PLAGL2: variants seen among roughly 807,000 people sequenced by gnomAD.
PLAGL2 encodes PLAG1 like zinc finger 2, also known as zinc finger protein PLAGL2.
A neutral mutation model predicts 29.0 loss-of-function variants in PLAGL2; 7 were observed. The ratio of observed to expected loss-of-function variants is 0.24; its 90% CI spans 0.14 to 0.45. The LOEUF (loss-of-function observed/expected upper bound fraction) is 0.45. PLAGL2 is among the 20% of genes least tolerant of loss of function. The pLI is 0.99. For missense variants in PLAGL2, 454 were observed against 648.2 expected, an observed-to-expected ratio of 0.70 and a Z score of 3.25; for synonymous variants, 234 against 266.0, an observed-to-expected ratio of 0.88 and a Z score of 1.17.
At chr20:32,199,595 G>A (rs138658649) in intron 2 of PLAGL2, among the ~76,000 whole-genome samples, 39 of 152,292 alleles carry the variant, frequency 2.6e-4, no homozygotes, top group African/African-American at 8.7e-4. Flanking sequence ...AATACTTTGG[G>A]AGGCTAAGGT....
Position 32,196,392 on chromosome 20 carries a change from G to T in PLAGL2, c.*60C>A. On this transcript the variant is annotated 3_prime_UTR_variant, in exon 3 of 3. Transcript: ENST00000246229. ...AGCTGCCTTCATGGGGGACACAGAC[G>T]GGGTGGGTACTAAGGCTCCATAACA... 8.1e-7 allele frequency: 1 copy of T among 1,237,956 alleles called. No individual in the cohort carries two copies. Among genetic ancestry groups the T allele is most frequent in the Non-Finnish European group, 1.1e-6 (1 of 940,362 alleles). The allele number at this position is 1,237,956 out of a possible 1,614,324, so 76.7% of individuals were successfully genotyped here.
chr20:32,199,848 G>GA (rs1270164315), intron 2 of PLAGL2, among the ~76,000 whole-genome samples: 7 of 151,140 alleles, frequency 4.6e-5, no homozygotes, highest in Non-Finnish European at 1.0e-4. Flanking sequence ...AAAAAAAAAA[G>GA]AAAAAAAAGA....
At chr20:32,203,522 T>C (rs979781114) in intron 1 of PLAGL2, among the ~76,000 whole-genome samples, 2 of 152,218 alleles carry the variant, frequency 1.3e-5, no homozygotes, top group African/African-American at 2.4e-5. Context: ...AACAGGGGGA[T>C]TCCCTTTGAA....
In PLAGL2 at chr20:32,196,632, C is replaced by G; in HGVS notation, c.1311G>C (p.Leu437=). 2.0e-6 allele frequency: 3 copies of G among 1,530,910 alleles called. No individual in the cohort carries two copies. In the South Asian group the frequency reaches 3.9e-5, roughly 20 times the overall value. 94.8% of individuals were successfully genotyped at this position (1,530,910 alleles called of 1,614,324 possible). The change falls in exon 3 of 3, where the codon CTG becomes CTC. Residue 437 remains leucine, a synonymous_variant. Transcript: ENST00000246229. ...PCNPPGATGG[L]VMGYSQAEAQ... is the part of the protein sequence containing the mutation. The stretch of plus-strand genomic sequence containing the variant: ...CCTCAGCCTGGGAGTAGCCCATGAC[C>G]AGGCCTCCTGTGGCCCCAGGTGGGT...
At chr20:32,199,556 C>T (rs975434329) in intron 2 of PLAGL2, among the ~76,000 whole-genome samples, 5 of 152,148 alleles carry the variant, frequency 3.3e-5, no homozygotes, top group African/African-American at 9.7e-5. Flanking sequence ...CTAAGAAGGC[C>T]GGGTGCAGTG....
Position 32,195,842 on chromosome 20 carries a change from G to A in PLAGL2, c.*610C>T, listed in dbSNP as rs2047224793. 1 of 152,736 alleles carries A rather than the reference G, an allele frequency of 6.5e-6. No individual in the cohort carries two copies. Among genetic ancestry groups the A allele is most frequent in the South Asian group, 2.1e-4 (1 of 4,834 alleles). The allele number at this position is 152,736 out of a possible 1,614,324, so 9.5% of individuals were successfully genotyped here. On this transcript the variant is annotated 3_prime_UTR_variant, in exon 3 of 3. Coordinates refer to ENST00000246229, the MANE Select transcript of PLAGL2 (RefSeq NM_002657.3). ...TAAGGCTAACAGCTTGGCAAGGGAG[G>A]TGAAATGGTGTGTCTGAGGTGACTG...
rs541477335 is a variant in PLAGL2 at position 32,195,443 on chromosome 20, G to C, written c.*1009C>G. On this transcript the variant is annotated 3_prime_UTR_variant, in exon 3 of 3. Transcript: ENST00000246229. Reference sequence around the variant, plus strand: ...ATGGGGAGGTGACGGACGTGGGCATGCCTTTCATTTCTTCCCCTCTCCAGT... The same window carrying C: ...ATGGGGAGGTGACGGACGTGGGCATCCCTTTCATTTCTTCCCCTCTCCAGT... The C allele has an allele frequency of 6.5e-6, 1 of 152,800 alleles. No homozygotes were observed. The highest frequency in any genetic ancestry group is 2.1e-4 in the South Asian group (1 of 4,826). 9.5% of individuals were successfully genotyped at this position (152,800 alleles called of 1,614,324 possible). A position where few individuals can be genotyped will look rare whatever the true frequency, so the allele number is the denominator to read the frequency against.
intron 2 of PLAGL2, among the ~76,000 whole-genome samples, chr20:32,200,384 C>T (rs1423054896): frequency 6.6e-6 from 1 of 151,930 alleles, no homozygotes; most frequent in Non-Finnish European, 1.5e-5. Flanking sequence ...CTACAGGCGC[C>T]TGCCACCGCG....
intron 2 of PLAGL2, among the ~76,000 whole-genome samples, chr20:32,198,663 T>C (rs2047242513): frequency 6.6e-6 from 1 of 152,172 alleles, no homozygotes; most frequent in South Asian, 2.1e-4. Context: ...CTTCCTTATC[T>C]AGAACAAATT....
In PLAGL2 at chr20:32,196,602, C is replaced by T; in HGVS notation, c.1341G>A (p.Gln447=). The stretch of plus-strand genomic sequence containing the variant: ...GAGCTTGCAAAGTGGTAAGCAGGGG[C>T]TGTGCCTCAGCCTGGGAGTAGCCCA... ...LVMGYSQAEA[Q]PLLTTLQAQP... Residue 447 remains glutamine, a synonymous_variant, in exon 3 of 3, where the codon CAG becomes CAA. Transcript: ENST00000246229. 3.3e-6 allele frequency: 5 copies of T among 1,535,588 alleles called. No individual in the cohort carries two copies. In the South Asian group the frequency reaches 6.5e-5, roughly 20 times the overall value.
rs1220151506 is a variant in PLAGL2, at chr20:32,197,073, A to G, written c.870T>C (p.Pro290=). The change falls in exon 3 of 3, where the codon CCT becomes CCC. Residue 290 remains proline, a synonymous_variant. Coordinates refer to ENST00000246229, the MANE Select transcript of PLAGL2 (RefSeq NM_002657.3). This position sits in a 1 kb window ranked among gnomAD's most constrained non-coding sequence, Gnocchi z 6.6. ...SRDVMGTKAF[P]GMLPMGMYGA... ...CATACATGCCCATGGGCAACATGCC[A>G]GGGAAGGCCTTGGTCCCCATTACGT... 6.2e-7 allele frequency: 1 copy of G among 1,614,056 alleles called. No homozygotes were observed. Among genetic ancestry groups the G allele is most frequent in the Admixed American group, 1.7e-5 (1 of 60,012 alleles).
chr20:32,206,021 A>G (rs1034511067), intron 1 of PLAGL2, among the ~76,000 whole-genome samples: 2 of 152,236 alleles, frequency 1.3e-5, no homozygotes, highest in African/African-American at 4.8e-5. Flanking sequence ...GAAGAACTCA[A>G]TTCAACACCT....
Position 32,197,522 on chromosome 20 carries a change from C to T in PLAGL2, c.421G>A (p.Gly141Ser). 1 of 1,614,148 alleles carries T rather than the reference C, an allele frequency of 6.2e-7. No homozygotes were observed. The highest frequency in any genetic ancestry group is 8.5e-7 in the Non-Finnish European group (1 of 1,180,038). ...ECGKNYNTKLGYRRHLAMHAA... is the reference protein window; with the variant it reads ...ECGKNYNTKLSYRRHLAMHAA... ...TGCATGGCCAGGTGGCGCCGGTAGC[C>T]CAGCTTCGTATTGTAATTCTTACCG... Residue 141 changes from glycine (G) to serine (S), a missense_variant, in exon 3 of 3, where the codon GGC becomes AGC. Around this residue, in one of 4 missense-constraint regions of PLAGL2, gnomAD observed 111 missense variants for 173.1 expected, o/e 0.64. Transcript: ENST00000246229. This position sits in a 1 kb window ranked among gnomAD's most constrained non-coding sequence, Gnocchi z 6.6.
At chr20:32,207,462 C>T (rs1231155223) in intron 1 of PLAGL2, among the ~76,000 whole-genome samples, 179 bp downstream of exon 1, 2 of 152,138 alleles carry the variant, frequency 1.3e-5, no homozygotes, top group African/African-American at 4.8e-5. Context: ...TTTCGTCACC[C>T]CAGGGCCTAT....
chr20:32,202,100 G>C lies in PLAGL2; in HGVS notation c.79C>G (p.Pro27Ala). The change falls in exon 2 of 3, where the codon CCC becomes GCC. Residue 27 changes from proline (P) to alanine (A), a missense_variant. Physicochemically the swap from Pro to Ala is conservative, Grantham distance 27. Coordinates refer to ENST00000246229, the MANE Select transcript of PLAGL2 (RefSeq NM_002657.3). ...QEEEVGWKLVPRPRGREAESQ... is the reference protein window; with the variant it reads ...QEEEVGWKLVARPRGREAESQ... The stretch of plus-strand genomic sequence containing the variant: ...TCCGCCTCCCGGCCCCGAGGCCTGG[G>C]AACTAGTTTCCAGCCCACTTCCTCC... 6.2e-7 allele frequency: 1 copy of C among 1,614,004 alleles called. No individual in the cohort carries two copies. Among genetic ancestry groups the C allele is most frequent in the East Asian group, 2.2e-5 (1 of 44,890 alleles).
In PLAGL2 at chr20:32,202,173, G is replaced by A. The variant is rs1227218386; in HGVS notation, c.6C>T (p.Thr2=). 1.2e-6 allele frequency: 2 copies of A among 1,614,066 alleles called. No homozygotes were observed. The highest frequency in any genetic ancestry group is 1.7e-5 in the Admixed American group (1 of 60,028). The part of the protein sequence containing the change: M[T]TFFTSVPPWI... ...AGGGGGGGACGCTGGTGAAAAATGTGGTCATGGCAAGGCTAATGGCAAAGG... is the reference window on the plus strand; with the variant it reads ...AGGGGGGGACGCTGGTGAAAAATGTAGTCATGGCAAGGCTAATGGCAAAGG... Residue 2 remains threonine (T), a synonymous_variant, in exon 2 of 3, where the codon ACC becomes ACT. Transcript: ENST00000246229.
chr20:32,201,643 C>T (rs2047260047), intron 2 of PLAGL2, among the ~76,000 whole-genome samples: 1 of 152,154 alleles, frequency 6.6e-6, no homozygotes, highest in African/African-American at 2.4e-5. Context: ...GCACCCAGAT[C>T]GTCACTAAGA....
chr20:32,194,018 C>T lies in PLAGL2; in HGVS notation c.*2434G>A, dbSNP rs1439992054. 2 of 152,854 alleles carry T rather than the reference C, an allele frequency of 1.3e-5. No individual in the cohort carries two copies. The highest frequency in any genetic ancestry group is 2.9e-5 in the Non-Finnish European group (2 of 68,138). The allele number at this position is 152,854 out of a possible 1,614,324, so 9.5% of individuals were successfully genotyped here. ...AAGACAGGAGGTGGGGGCAAGGCCCCGGTTACAAAGGGTTTAAACAGTTGC... is the reference window on the plus strand; with the variant it reads ...AAGACAGGAGGTGGGGGCAAGGCCCTGGTTACAAAGGGTTTAAACAGTTGC... On this transcript the variant is annotated 3_prime_UTR_variant, in exon 3 of 3. Transcript: ENST00000246229.
rs760161049 is a variant in PLAGL2, at chr20:32,196,880, G to A, written c.1063C>T (p.Pro355Ser). Residue 355 changes from proline to serine, a missense_variant, in exon 3 of 3, where the codon CCC (proline) becomes TCC (serine). By Grantham distance (74) the Pro-to-Ser change is moderately conservative. This residue lies in a region of PLAGL2 where 247 missense variants were observed against 350.3 expected (regional missense o/e 0.71). Coordinates refer to ENST00000246229, the MANE Select transcript of PLAGL2 (RefSeq NM_002657.3). ...AGAAAACTATCCACCTCCACTTTGGGCAATTTGTCGGGCAAGTATGAGGTA... is the reference window on the plus strand; with the variant it reads ...AGAAAACTATCCACCTCCACTTTGGACAATTTGTCGGGCAAGTATGAGGTA... ...GSTSYLPDKLPKVEVDSFLAE... is the reference protein window; with the variant it reads ...GSTSYLPDKLSKVEVDSFLAE... 1.4e-5 allele frequency: 22 copies of A among 1,614,034 alleles called. No homozygotes were observed. Among genetic ancestry groups the A allele is most frequent in the Admixed American group, 1.7e-5 (1 of 60,004 alleles).
Sources: allele counts gnomAD v4.1 joint callset (sites outside exome capture counted in the v4.1 genomes callset), GRCh38; gene constraint gnomAD v4.1.1; regional missense constraint gnomAD v4.1.1; non-coding constraint Gnocchi (gnomAD v3.1); transcripts MANE v1.5; gene names NCBI Gene and HGNC (gene_info 2026-07-23, HGNC 2026-07-21).